Variants in SPIDR observed in about 807,000 individuals in gnomAD.
SPIDR encodes the protein scaffold protein involved in DNA repair, also known as DNA repair-scaffolding protein.
A neutral mutation model predicts 104.6 loss-of-function variants in SPIDR; 93 were observed. The observed-to-expected ratio is 0.89, with a 90% CI of 0.75 to 1.06. The LOEUF is 1.06. Ranked by LOEUF, SPIDR falls within the 50% of genes least tolerant of loss-of-function variation. The pLI, the probability that SPIDR is intolerant of heterozygous loss-of-function variation, is 0.00. For synonymous variants in SPIDR, 431 were observed against 416.9 expected, an observed-to-expected ratio of 1.03 and a Z score of -0.41; for missense variants, 1,154 against 1,111.2, an observed-to-expected ratio of 1.04 and a Z score of -0.55.
At chr8:47,641,765 C>G (rs780428357) in intron 10 of SPIDR, among the ~76,000 whole-genome samples, 10 of 152,126 alleles carry the variant, frequency 6.6e-5, no homozygotes, top group Admixed American at 1.3e-4. Flanking sequence ...GACATAGAAG[C>G]CCAGCTGACT....
At chr8:47,587,609 C>CAAAAAAA (rs36084278) in intron 8 of SPIDR, among the ~76,000 whole-genome samples, 19 of 58,850 alleles carry the variant, frequency 3.2e-4, no homozygotes, top group Admixed American at 1.6e-3. Context: ...GACCCTGCCT[C>CAAAAAAA]AAAAAAAAAA....
intron 8 of SPIDR, among the ~76,000 whole-genome samples, chr8:47,449,564 T>C (rs142487705): frequency 1.2e-4 from 19 of 152,318 alleles, no homozygotes; most frequent in African/African-American, 4.3e-4. Flanking sequence ...GTACTAACGA[T>C]GAAAACTTTG....
chr8:47,446,680 A>G (rs1422572627), intron 8 of SPIDR, among the ~76,000 whole-genome samples: 5 of 150,490 alleles, frequency 3.3e-5, no homozygotes, highest in African/African-American at 1.2e-4. Flanking sequence ...TCCGCCTCCC[A>G]GGTTCAAGTG....
chr8:47,265,696 T>G (rs187233715), intron 1 of SPIDR, among the ~76,000 whole-genome samples: 19 of 152,312 alleles, frequency 1.2e-4, no homozygotes, highest in African/African-American at 4.6e-4. Flanking sequence ...CTTGCACATC[T>G]CATTCCATTT....
intron 10 of SPIDR, among the ~76,000 whole-genome samples, chr8:47,601,428 G>T (rs1030775985): frequency 6.6e-6 from 1 of 152,192 alleles, no homozygotes; most frequent in Admixed American, 6.5e-5. Flanking sequence ...AGGCGCGGTG[G>T]CTCATGCCTG....
chr8:47,649,242 A>G (rs2154453176), intron 10 of SPIDR, among the ~76,000 whole-genome samples: 1 of 152,102 alleles, frequency 6.6e-6, no homozygotes, highest in Admixed American at 6.5e-5. Flanking sequence ...CAGCATAGAA[A>G]GAGCCTGTCA....
intron 8 of SPIDR, among the ~76,000 whole-genome samples, chr8:47,472,921 AT>A (rs2075889358): frequency 6.6e-6 from 1 of 152,176 alleles, no homozygotes; most frequent in South Asian, 2.1e-4. Flanking sequence ...AAAGCAAACA[AT>A]TTCACTGCTT....
chr8:47,628,576 A>G (rs1004210831), intron 10 of SPIDR, among the ~76,000 whole-genome samples: 8 of 152,202 alleles, frequency 5.3e-5, no homozygotes, highest in African/African-American at 1.9e-4. Context: ...AAATGCATAA[A>G]ATTACCTTCA....
chr8:47,501,251 A>G (rs1036540477), intron 8 of SPIDR, among the ~76,000 whole-genome samples: 2 of 152,160 alleles, frequency 1.3e-5, no homozygotes, highest in African/African-American at 2.4e-5. Flanking sequence ...CCATTTTCAC[A>G]ATATTGATTC....
chr8:47,356,335 C>G (rs535462805), intron 5 of SPIDR, among the ~76,000 whole-genome samples: 19 of 152,260 alleles, frequency 1.2e-4, no homozygotes, highest in African/African-American at 4.6e-4. Flanking sequence ...GGATCAGAGT[C>G]GCTGTCTTGG....
chr8:47,510,379 A>G (rs2082137027), intron 8 of SPIDR, among the ~76,000 whole-genome samples: 1 of 152,236 alleles, frequency 6.6e-6, no homozygotes, highest in African/African-American at 2.4e-5. Context: ...AGCAAATGTC[A>G]AAAGAAATTG....
chr8:47,583,589 AAAG>A (rs2059967946), intron 8 of SPIDR, among the ~76,000 whole-genome samples: 2 of 152,208 alleles, frequency 1.3e-5, no homozygotes, highest in African/African-American at 4.8e-5. Flanking sequence ...TGCAGCATAA[AAAG>A]AAATGGAAAG....
At chr8:47,731,697 A>G (rs1023353685) in intron 19 of SPIDR, among the ~76,000 whole-genome samples, 5 of 152,170 alleles carry the variant, frequency 3.3e-5, no homozygotes, top group African/African-American at 1.2e-4. Flanking sequence ...ATAACAGGCA[A>G]CCGACCACAC....
intron 5 of SPIDR, among the ~76,000 whole-genome samples, chr8:47,383,630 T>G (rs2059569975): frequency 6.6e-6 from 1 of 152,206 alleles, no homozygotes; most frequent in South Asian, 2.1e-4. Flanking sequence ...TCATCATCAT[T>G]CTAAGAAAAT....
intron 5 of SPIDR, among the ~76,000 whole-genome samples, chr8:47,305,668 A>G (rs1367121922): frequency 1.3e-5 from 2 of 152,176 alleles, no homozygotes; most frequent in African/African-American, 4.8e-5. Context: ...TTACTTATTT[A>G]TATAAATTTT....
intron 8 of SPIDR, among the ~76,000 whole-genome samples, chr8:47,454,429 A>T (rs1000513732): frequency 4.6e-5 from 7 of 151,992 alleles, no homozygotes; most frequent in Non-Finnish European, 1.0e-4. Flanking sequence ...GTGGAAAATG[A>T]GAACACTTGG....
chr8:47,482,750 C>T (rs1205841750), intron 8 of SPIDR, among the ~76,000 whole-genome samples: 1 of 152,194 alleles, frequency 6.6e-6, no homozygotes, highest in Non-Finnish European at 1.5e-5. Context: ...GGGCGCAGCT[C>T]CTGATTCCTC....
chr8:47,447,080 A>T (rs1193655319), intron 8 of SPIDR, among the ~76,000 whole-genome samples: 4 of 152,368 alleles, frequency 2.6e-5, no homozygotes, highest in Admixed American at 6.5e-5. Context: ...ATAACTGCAC[A>T]TGCGGTGGAA....
At chr8:47,578,030 C>CT (rs2059318700) in intron 8 of SPIDR, among the ~76,000 whole-genome samples, 1 of 152,136 alleles carries the variant, frequency 6.6e-6, no homozygotes, top group South Asian at 2.1e-4. Flanking sequence ...TCAGGAGTTG[C>CT]TTTATAACTC....
Sources: gnomAD v4.1 joint callset for allele counts (sites outside exome capture counted in the v4.1 genomes callset) on GRCh38, gnomAD v4.1.1 for gene constraint, MANE v1.5 for transcripts, NCBI Gene and HGNC (gene_info 2026-07-23, HGNC 2026-07-21) for gene names.